The following ARRDC1 variants were observed in gnomAD, a reference collection of about 807,000 sequenced individuals.
The protein encoded by ARRDC1 is arrestin domain containing 1.
Under a neutral mutation model 40.1 loss-of-function variants are expected in ARRDC1, and 37 were observed. That is an observed-to-expected ratio of 0.92 (90% CI 0.71 to 1.21). ARRDC1 has a LOEUF of 1.21. Among genes scored for constraint, ARRDC1 ranks in the 50% most tolerant of loss-of-function variants. ARRDC1 has a pLI of 0.00. For synonymous variants in ARRDC1, 310 were observed against 262.5 expected, an observed-to-expected ratio of 1.18 and a Z score of -1.75; for missense variants, 641 against 581.9, an observed-to-expected ratio of 1.10 and a Z score of -1.04.
In ARRDC1 at chr9:137,612,922, T is replaced by C. The variant is rs140527912; in HGVS notation, c.145T>C (p.Cys49Arg). The change falls in exon 2 of 8, where the codon TGC (cysteine) becomes CGC (arginine). Residue 49 changes from cysteine to arginine, a missense_variant. Cys to Arg is a radical substitution (Grantham distance 180, BLOSUM62 -3). Transcript: ENST00000371421. Reference sequence around the variant, plus strand: ...CATCCGGGTGACCTGCATAGGTTCCTGCGGGGTCTCCAACAAGGCTAATGA... The same window carrying C: ...CATCCGGGTGACCTGCATAGGTTCCCGCGGGGTCTCCAACAAGGCTAATGA... ...RAIRVTCIGS[C>R]GVSNKANDTA... 7 of 1,613,986 alleles carry C rather than the reference T, an allele frequency of 4.3e-6. No homozygotes were observed. Among genetic ancestry groups the C allele is most frequent in the African/African-American group, 4.0e-5 (3 of 74,944 alleles).
chr9:137,605,812 T>TG lies in ARRDC1; in HGVS notation c.100dup (p.Ala34GlyfsTer23). ...TTGGCTGGGACCGTGCGCGTGCGCC[T>TG]GGGGGCACCGCTGCCGTTCCGAGGT... On this transcript the variant is annotated frameshift_variant, in exon 1 of 8. Transcript: ENST00000371421. LOFTEE classifies it high-confidence loss of function. 3 of 1,280,084 alleles carry TG rather than the reference T, an allele frequency of 2.3e-6. No individual in the cohort carries two copies. The highest frequency in any genetic ancestry group is 3.0e-6 in the Non-Finnish European group (3 of 1,013,834). 79.3% of individuals were successfully genotyped at this position (1,280,084 alleles called of 1,614,324 possible). A position where few individuals can be genotyped will look rare whatever the true frequency, so the allele number is the denominator to read the frequency against.
intron 1 of ARRDC1, among the ~76,000 whole-genome samples, chr9:137,610,050 G>A (rs530743858): frequency 3.9e-5 from 6 of 152,044 alleles, no homozygotes; most frequent in East Asian, 1.9e-4. Context: ...TCCTGACCTC[G>A]TGATCTGCCC....
intron 1 of ARRDC1, among the ~76,000 whole-genome samples, chr9:137,610,036 G>C (rs545343981): frequency 6.6e-6 from 1 of 151,434 alleles, no homozygotes; most frequent in South Asian, 2.1e-4. Context: ...GGATGATCTC[G>C]ATCTCCTGAC....
intron 1 of ARRDC1, among the ~76,000 whole-genome samples, chr9:137,610,233 A>G (rs1035142272): frequency 6.6e-6 from 1 of 152,142 alleles, no homozygotes; most frequent in Non-Finnish European, 1.5e-5. Flanking sequence ...CCATTTTATT[A>G]TATCTCACAG....
At chr9:137,610,063 C>A (rs1291743896) in intron 1 of ARRDC1, among the ~76,000 whole-genome samples, 1 of 152,138 alleles carries the variant, frequency 6.6e-6, no homozygotes, top group Non-Finnish European at 1.5e-5. Context: ...ATCTGCCCGC[C>A]TCGGCCTCCC....
chr9:137,605,922 G>C, intron 1 of ARRDC1, 87 bp downstream of exon 1: 1 of 849,156 alleles, frequency 1.2e-6, no homozygotes, highest in Non-Finnish European at 1.5e-6. Flanking sequence ...CTGGCCCCGG[G>C]TTGGGCCCGC....
intron 1 of ARRDC1, among the ~76,000 whole-genome samples, chr9:137,606,725 A>G (rs1842429831): frequency 5.3e-5 from 8 of 152,030 alleles, no homozygotes; most frequent in Admixed American, 4.6e-4. Flanking sequence ...GCCTCCTGGG[A>G]TGACCCCACA....
At chr9:137,606,277 G>A (rs1282217007) in intron 1 of ARRDC1, among the ~76,000 whole-genome samples, 1 of 152,114 alleles carries the variant, frequency 6.6e-6, no homozygotes, top group African/African-American at 2.4e-5. Context: ...CCACCCGCCA[G>A]CAGGCCTCGC....
At chr9:137,613,356 A>G (rs1564502171) in intron 2 of ARRDC1, 104 bp from the exon 3 acceptor site, 1 of 1,279,292 alleles carries the variant, frequency 7.8e-7, no homozygotes, top group East Asian at 2.5e-5. Context: ...AGGGAGACCC[A>G]GTGTGAGCTG....
At position 137,614,225 on chromosome 9, in the gene ARRDC1, C is replaced by A. The variant is rs1477472333; in HGVS notation, c.618+11C>A. ...GCCAGTCTGCTGCAGGTCAGAGCCC[C>A]CGCCAGTTGCCTGGACCGGCCTCCT... On this transcript the variant is annotated intron_variant, in intron 5 of 7. Transcript: ENST00000371421. 1 of 1,583,236 alleles carries A rather than the reference C, an allele frequency of 6.3e-7. No individual in the cohort carries two copies. Among genetic ancestry groups the A allele is most frequent in the South Asian group, 1.1e-5 (1 of 87,138 alleles).
intron 1 of ARRDC1, among the ~76,000 whole-genome samples, chr9:137,606,642 C>T (rs1013914087): frequency 9.9e-5 from 15 of 152,248 alleles, no homozygotes; most frequent in Non-Finnish European, 1.5e-5. Flanking sequence ...CCTGACCCTG[C>T]ACCGCCTGAG....
intron 1 of ARRDC1, among the ~76,000 whole-genome samples, chr9:137,607,023 T>C (rs941341255): frequency 1.3e-5 from 2 of 152,162 alleles, no homozygotes; most frequent in Non-Finnish European, 2.9e-5. Context: ...GTGGGTTGAA[T>C]GCTCACGCCT....
At chr9:137,607,288 C>T (rs572615274) in intron 1 of ARRDC1, among the ~76,000 whole-genome samples, 4 of 152,346 alleles carry the variant, frequency 2.6e-5, no homozygotes, top group South Asian at 2.1e-4. Flanking sequence ...TTCTTTTCCT[C>T]ATTCAGAGGA....
chr9:137,608,040 C>T (rs535137826), intron 1 of ARRDC1, among the ~76,000 whole-genome samples: 58 of 152,142 alleles, frequency 3.8e-4, no homozygotes, highest in Non-Finnish European at 5.7e-4. Flanking sequence ...TGGAGTGTGC[C>T]GGCGCGATCT....
In ARRDC1 at chr9:137,614,178, C is replaced by A; in HGVS notation, c.582C>A (p.Gly194=). 1 of 1,609,384 alleles carries A rather than the reference C, an allele frequency of 6.2e-7. No individual in the cohort carries two copies. Among genetic ancestry groups the A allele is most frequent in the Non-Finnish European group, 8.5e-7 (1 of 1,177,040 alleles). Residue 194 remains glycine, a synonymous_variant, in exon 5 of 8, where the codon GGC becomes GGA. Coordinates refer to ENST00000371421, the MANE Select transcript of ARRDC1 (RefSeq NM_152285.4). The part of the protein sequence containing the change: ...QLHADVENQS[G]KDTSPVVASL... The stretch of plus-strand genomic sequence containing the variant: ...ATGCCGACGTTGAGAACCAGTCAGG[C>A]AAGGACACCAGCCCTGTGGTGGCCA...
intron 1 of ARRDC1, among the ~76,000 whole-genome samples, chr9:137,606,958 G>A (rs1184245876): frequency 6.6e-6 from 1 of 152,252 alleles, no homozygotes; most frequent in Non-Finnish European, 1.5e-5. Context: ...CGGCCCCGCG[G>A]TGCGTGACTG....
At chr9:137,613,309 C>T in intron 2 of ARRDC1, 151 bp from the exon 3 acceptor site, 7 of 909,340 alleles carry the variant, frequency 7.7e-6, no homozygotes, top group Non-Finnish European at 1.2e-5. Flanking sequence ...TCACCCAAGC[C>T]ACAGCCCTGT....
chr9:137,614,088 C>A lies in ARRDC1; in HGVS notation c.492C>A (p.Gly164=), dbSNP rs957254851. Residue 164 remains glycine (G), a synonymous_variant, in exon 5 of 8, where the codon GGC becomes GGA. Transcript: ENST00000371421. ...KKFSYKLVKT[G]SVVLTASTDL... ...TCTCCTACAAGCTGGTGAAGACGGGCAGCGTGGTCCTCACAGCCAGCACTG... is the reference window on the plus strand; with the variant it reads ...TCTCCTACAAGCTGGTGAAGACGGGAAGCGTGGTCCTCACAGCCAGCACTG... The A allele has an allele frequency of 3.7e-6, 6 of 1,613,722 alleles. No homozygotes were observed. The African/African-American group carries it at 5.3e-5, about 14-fold the overall frequency.
rs766011723 is a variant in ARRDC1 at position 137,613,447 on chromosome 9, C to G, written c.230-13C>G. ...GGGGGGGACTGCCCCCCACCTCCCT[C>G]CTGTCTCTGCAGGGAGCCTGCCCGC... is the stretch of plus-strand genomic sequence containing the variant. On this transcript the variant is annotated splice_polypyrimidine_tract_variant and intron_variant, in intron 2 of 7. Transcript: ENST00000371421. 2 of 1,609,958 alleles carry G rather than the reference C, an allele frequency of 1.2e-6. No individual in the cohort carries two copies. The highest frequency in any genetic ancestry group is 4.5e-5 in the East Asian group (2 of 44,832).
Sources: allele counts gnomAD v4.1 joint callset (sites outside exome capture counted in the v4.1 genomes callset), GRCh38; gene constraint gnomAD v4.1.1; transcripts MANE v1.5; gene names NCBI Gene and HGNC (gene_info 2026-07-23, HGNC 2026-07-21).